The following SYT6 variants were observed in gnomAD, a reference collection of about 807,000 sequenced individuals.
SYT6 encodes the protein synaptotagmin 6, also known as synaptotagmin-6.
A neutral mutation model predicts 38.4 loss-of-function variants in SYT6; 24 were observed. The observed-to-expected ratio is 0.62, with a 90% CI of 0.45 to 0.88. The LOEUF (loss-of-function observed/expected upper bound fraction) is 0.88, where lower values mean the gene tolerates loss of function less well. Among genes scored for constraint, SYT6 ranks in the 40% least tolerant of loss-of-function variants. SYT6 has a pLI of 0.00. For missense variants in SYT6, 611 were observed against 621.0 expected, an observed-to-expected ratio of 0.98 and a Z score of 0.17; for synonymous variants, 265 against 241.9, an observed-to-expected ratio of 1.10 and a Z score of -0.89.
intron 4 of SYT6, among the ~76,000 whole-genome samples, chr1:114,103,190 C>CTT (rs202150292): frequency 0.019 from 2,884 of 152,280 alleles, 86 homozygotes; most frequent in African/African-American, 0.066. Flanking sequence ...CACACTCAAA[C>CTT]GACATAACCC....
chr1:114,142,490 C>T (rs550226153), intron 1 of SYT6, among the ~76,000 whole-genome samples: 2 of 152,274 alleles, frequency 1.3e-5, no homozygotes, highest in South Asian at 4.1e-4. Flanking sequence ...GGTAAAGATG[C>T]TGTGAACATT....
At chr1:114,140,090 G>C in intron 1 of SYT6, 127 bp from the exon 2 acceptor site, 1 of 581,542 alleles carries the variant, frequency 1.7e-6, no homozygotes. Flanking sequence ...ATGGTCATGA[G>C]AAAGCTGCCA....
At chr1:114,097,380 A>C (rs922092234) in intron 6 of SYT6, among the ~76,000 whole-genome samples, 2 of 152,208 alleles carry the variant, frequency 1.3e-5, no homozygotes, top group Non-Finnish European at 2.9e-5. Context: ...CCAAGCTCTG[A>C]TCTCACCCCC....
intron 3 of SYT6, among the ~76,000 whole-genome samples, chr1:114,132,562 GCAGCC>G (rs960971430): frequency 6.6e-6 from 1 of 152,194 alleles, no homozygotes; most frequent in Non-Finnish European, 1.5e-5. Context: ...TGAGGAAAAT[GCAGCC>G]CAGAGATGGA....
At chr1:114,140,930 C>T (rs1678832425) in intron 1 of SYT6, among the ~76,000 whole-genome samples, 1 of 152,170 alleles carries the variant, frequency 6.6e-6, no homozygotes, top group Non-Finnish European at 1.5e-5. Flanking sequence ...TTCCTATCGT[C>T]ATTGTTTTGA....
intron 3 of SYT6, among the ~76,000 whole-genome samples, chr1:114,118,649 C>T (rs545487634): frequency 2.0e-5 from 3 of 152,328 alleles, no homozygotes; most frequent in African/African-American, 7.2e-5. Context: ...GGGCCTGCTG[C>T]TCCCCGGCTG....
intron 2 of SYT6, 52 bp downstream of exon 2, chr1:114,139,563 T>G (rs1678724424): frequency 2.5e-6 from 4 of 1,608,728 alleles, no homozygotes; most frequent in Non-Finnish European, 2.5e-6. Context: ...ATAGATGTAT[T>G]AAGGGAGTGT....
In SYT6 at chr1:114,139,966, G is replaced by T; in HGVS notation, c.164-3C>A. ...TGCGAGGAGGCTGACAGAGGTGCCT[G>T]CCCTCGGCATGAGCCAGGCAGGGAG... On this transcript the variant is annotated splice_region_variant and splice_polypyrimidine_tract_variant and intron_variant, in intron 1 of 7. Coordinates refer to ENST00000610222, the MANE Select transcript of SYT6 (RefSeq NM_001253772.2). 1 of 1,487,990 alleles carries T rather than the reference G, an allele frequency of 6.7e-7. No homozygotes were observed. 92.2% of individuals were successfully genotyped at this position (1,487,990 alleles called of 1,614,324 possible). A position where few individuals can be genotyped will look rare whatever the true frequency, so the allele number is the denominator to read the frequency against.
intron 1 of SYT6, among the ~76,000 whole-genome samples, chr1:114,149,754 A>G (rs1679349790): frequency 6.6e-6 from 1 of 151,954 alleles, no homozygotes; most frequent in African/African-American, 2.4e-5. Context: ...ACAGCCAGAA[A>G]TTCTTTTCCC....
chr1:114,110,309 T>C (rs1368346716), intron 3 of SYT6, among the ~76,000 whole-genome samples: 3 of 152,196 alleles, frequency 2.0e-5, no homozygotes, highest in Non-Finnish European at 4.4e-5. Context: ...GGAACTTGTA[T>C]TCTAAGGGAG....
intron 3 of SYT6, among the ~76,000 whole-genome samples, chr1:114,136,138 G>A (rs1447658228): frequency 2.0e-5 from 3 of 152,172 alleles, no homozygotes; most frequent in Non-Finnish European, 2.9e-5. Flanking sequence ...TATGAGAATG[G>A]CGTGTCCCCC....
In SYT6 at chr1:114,092,115, G is replaced by T. The variant is rs1207103010; in HGVS notation, c.*52-33C>A. The T allele has an allele frequency of 2.0e-6, 3 of 1,529,942 alleles. No homozygotes were observed. In the South Asian group the frequency reaches 3.6e-5, roughly 18 times the overall value. The allele number at this position is 1,529,942 out of a possible 1,614,324, so 94.8% of individuals were successfully genotyped here. A position where few individuals can be genotyped will look rare whatever the true frequency, so the allele number is the denominator to read the frequency against. ...GAGGAGAACAATCTGTTTATTAATT[G>T]CTAAAGGAATTTACATTTCAACTTG... is the stretch of plus-strand genomic sequence containing the variant. On this transcript the variant is annotated intron_variant, in intron 7 of 7. Coordinates refer to ENST00000610222, the MANE Select transcript of SYT6 (RefSeq NM_001253772.2).
chr1:114,127,197 G>C (rs973706772), intron 3 of SYT6, among the ~76,000 whole-genome samples: 2 of 152,228 alleles, frequency 1.3e-5, no homozygotes, highest in African/African-American at 2.4e-5. Context: ...GCTCAAGTGA[G>C]AGTGTGTGGA....
At chr1:114,128,922 T>C (rs1008861708) in intron 3 of SYT6, among the ~76,000 whole-genome samples, 1 of 152,220 alleles carries the variant, frequency 6.6e-6, no homozygotes, top group African/African-American at 2.4e-5. Flanking sequence ...ACACCATTTA[T>C]ATGCCGACAT....
At chr1:114,099,700 C>T (rs1571819872) in intron 4 of SYT6, among the ~76,000 whole-genome samples, 1 of 152,186 alleles carries the variant, frequency 6.6e-6, no homozygotes. Context: ...ACCAGAATTA[C>T]AAACCAAAGG....
chr1:114,129,348 C>T (rs931848812), intron 3 of SYT6, among the ~76,000 whole-genome samples: 15 of 152,232 alleles, frequency 9.9e-5, no homozygotes, highest in South Asian at 4.1e-4. Flanking sequence ...GTCTAGTCCC[C>T]GCCCATCAGC....
chr1:114,101,859 G>C (rs959811144), intron 4 of SYT6, among the ~76,000 whole-genome samples: 4 of 152,144 alleles, frequency 2.6e-5, no homozygotes, highest in African/African-American at 7.2e-5. Flanking sequence ...TTTATCCACT[G>C]TTCCAGATAC....
intron 3 of SYT6, among the ~76,000 whole-genome samples, chr1:114,120,690 C>T (rs1677335800): frequency 6.6e-6 from 1 of 152,190 alleles, no homozygotes; most frequent in African/African-American, 2.4e-5. Context: ...TTCCTCCTAC[C>T]TGCTGAGGAT....
intron 1 of SYT6, among the ~76,000 whole-genome samples, chr1:114,151,737 G>A (rs1679447246): frequency 6.6e-6 from 1 of 152,144 alleles, no homozygotes; most frequent in South Asian, 2.1e-4. Context: ...TGGGGAGTAG[G>A]GAGAGGCAGG....
Sources: allele counts gnomAD v4.1 joint callset (sites outside exome capture counted in the v4.1 genomes callset), GRCh38; gene constraint gnomAD v4.1.1; transcripts MANE v1.5; gene names NCBI Gene and HGNC (gene_info 2026-07-23, HGNC 2026-07-21).